Variants in LRRC4B observed in about 807,000 individuals in gnomAD.
LRRC4B encodes the protein leucine rich repeat containing 4B.
A neutral mutation model predicts 7.3 loss-of-function variants in LRRC4B; 1 was observed. That is an observed-to-expected ratio of 0.14 (90% confidence interval 0.05 to 0.65). The LOEUF (loss-of-function observed/expected upper bound fraction) is 0.65, where lower values mean the gene tolerates loss of function less well. LRRC4B is among the 30% of genes least tolerant of loss of function. The pLI, the probability that LRRC4B is intolerant of heterozygous loss-of-function variation, is 0.84. For missense variants in LRRC4B, 730 were observed against 1,041.6 expected (o/e 0.70, Z 4.12); for synonymous variants, 500 against 499.2 (o/e 1.00, Z -0.02).
intron 1 of LRRC4B, among the ~76,000 whole-genome samples, chr19:50,565,728 C>G (rs1245855901): frequency 2.0e-5 from 3 of 151,814 alleles, no homozygotes; most frequent in African/African-American, 7.3e-5. Context: ...CTGGCCCCAG[C>G]AGGCACCCCG....
intron 1 of LRRC4B, among the ~76,000 whole-genome samples, chr19:50,552,662 A>G (rs1353257887): frequency 1.8e-4 from 22 of 124,146 alleles, no homozygotes; most frequent in African/African-American, 7.1e-4. Context: ...CCATCCATCC[A>G]TCCATCCATC....
At chr19:50,565,841 CTCTT>C (rs78205579) in intron 1 of LRRC4B, among the ~76,000 whole-genome samples, 46,676 of 151,466 alleles carry the variant, frequency 0.31, 8,021 homozygotes, top group Non-Finnish European at 0.4. Flanking sequence ...GGCTCCCCGA[CTCTT>C]TCTTTCGGAA....
Position 50,519,593 on chromosome 19 carries a change from A to T in LRRC4B, c.298-178T>A, listed in dbSNP as rs1203986934. Among the ~76,000 whole-genome samples, 1 of 152,162 alleles carries T rather than the reference A, an allele frequency of 6.6e-6. No individual in the cohort carries two copies. The highest frequency in any genetic ancestry group is 1.5e-5 in the Non-Finnish European group (1 of 68,024). On this transcript the variant is annotated intron_variant, in intron 2 of 2. Coordinates refer to ENST00000652263, the MANE Select transcript of LRRC4B (RefSeq NM_001080457.2). This position sits in a 1 kb window ranked among gnomAD's most constrained non-coding sequence, Gnocchi z 8.1. Reference sequence around the variant, plus strand: ...TTCTTATAAAGTTAAAACTGGAGTCAAGGCTGGGTGTGGTGGCTCACGCCT... The same window carrying T: ...TTCTTATAAAGTTAAAACTGGAGTCTAGGCTGGGTGTGGTGGCTCACGCCT...
chr19:50,567,719 C>T (rs1444645128), intron 1 of LRRC4B, among the ~76,000 whole-genome samples: 12 of 146,324 alleles, frequency 8.2e-5, no homozygotes, highest in African/African-American at 2.8e-4. Flanking sequence ...ACAACCACCC[C>T]CCCCACAGCA....
chr19:50,546,576 A>G (rs1981820829), intron 2 of LRRC4B, among the ~76,000 whole-genome samples: 1 of 152,082 alleles, frequency 6.6e-6, no homozygotes, highest in Non-Finnish European at 1.5e-5. Context: ...CTGGATCCCT[A>G]TTGATGCTTT....
intron 2 of LRRC4B, among the ~76,000 whole-genome samples, chr19:50,532,669 G>A (rs763583215): frequency 3.9e-5 from 6 of 152,052 alleles, no homozygotes; most frequent in East Asian, 1.9e-4. Context: ...GATCCCTATC[G>A]CAGTGACTAT....
intron 1 of LRRC4B, among the ~76,000 whole-genome samples, chr19:50,565,153 G>A (rs1056608638): frequency 1.3e-5 from 2 of 152,172 alleles, no homozygotes; most frequent in Non-Finnish European, 2.9e-5. Flanking sequence ...GTGCACACAC[G>A]TGCCTCCGAC....
At chr19:50,551,164 A>C (rs1264982617) in intron 1 of LRRC4B, 1 of 105,284 alleles carries the variant, frequency 9.5e-6, no homozygotes, top group Non-Finnish European at 1.9e-5. Context: ...TTTTCTCCCC[A>C]CAACCCCACG....
intron 2 of LRRC4B, among the ~76,000 whole-genome samples, chr19:50,521,684 C>A (rs1326654376): frequency 6.6e-6 from 1 of 152,036 alleles, no homozygotes; most frequent in African/African-American, 2.4e-5. Flanking sequence ...CCTCAGCCTC[C>A]CAAAGTGCTG....
chr19:50,558,909 G>A (rs1568737015), intron 1 of LRRC4B, among the ~76,000 whole-genome samples: 1 of 152,230 alleles, frequency 6.6e-6, no homozygotes, highest in Non-Finnish European at 1.5e-5. Flanking sequence ...GTTATGGAGA[G>A]TCTGAGGCCT....
At chr19:50,543,335 G>GGTGTGTGTGT (rs143123202) in intron 2 of LRRC4B, among the ~76,000 whole-genome samples, 27,814 of 145,008 alleles carry the variant, frequency 0.19, 2,850 homozygotes, top group Admixed American at 0.3. Flanking sequence ...GCCAGGCCCT[G>GGTGTGTGTGT]GTGTGTGTGT....
At chr19:50,531,295 G>A (rs1981048493) in intron 2 of LRRC4B, among the ~76,000 whole-genome samples, 2 of 152,244 alleles carry the variant, frequency 1.3e-5, no homozygotes, top group South Asian at 4.1e-4. Context: ...AGGGCTGCCG[G>A]TCCCGGGGAG....
chr19:50,542,230 G>A (rs1457151314), intron 2 of LRRC4B, among the ~76,000 whole-genome samples: 2 of 152,166 alleles, frequency 1.3e-5, no homozygotes, highest in Non-Finnish European at 2.9e-5. Flanking sequence ...CCTGACTGAG[G>A]AGCGAGGAGT....
At position 50,519,227 on chromosome 19, in the gene LRRC4B, C is replaced by T. The variant is rs1406752935; in HGVS notation, c.486G>A (p.Glu162=). Residue 162 remains glutamate, a synonymous_variant, in exon 3 of 3, where the codon GAG becomes GAA. Transcript: ENST00000652263. The surrounding 1 kb of genome is among the most constrained non-coding windows in gnomAD (Gnocchi z 8.1). ...CGATGGGGTTGTTCCGCAGCCAGAG[C>T]TCCCGCAGCTTGGACAGGTACTCGA... ...QAFEYLSKLR[E]LWLRNNPIES... 4 of 1,614,024 alleles carry T rather than the reference C, an allele frequency of 2.5e-6. No homozygotes were observed. Among genetic ancestry groups the T allele is most frequent in the Admixed American group, 1.7e-5 (1 of 60,004 alleles).
rs751669703 is a variant in LRRC4B, at chr19:50,518,873, C to T, written c.840G>A (p.Glu280=). ...GGTTGTTGTGGGACAGGTTGAGCTC[C>T]TCCAGCGACTTGAGGTCGTCGAAGG... ...RNAFDDLKSL[E]ELNLSHNNLM... is the part of the protein sequence containing the mutation. Residue 280 remains glutamate (E), a synonymous_variant, in exon 3 of 3, where the codon GAG becomes GAA. Transcript: ENST00000652263. 1.2e-6 allele frequency: 2 copies of T among 1,613,954 alleles called. No homozygotes were observed. The highest frequency in any genetic ancestry group is 2.7e-5 in the African/African-American group (2 of 74,926).
rs1347112010 is a variant in LRRC4B, at chr19:50,567,924, G to A, written c.-36+20C>T. On this transcript the variant is annotated intron_variant, in intron 1 of 2. Coordinates refer to ENST00000652263, the MANE Select transcript of LRRC4B (RefSeq NM_001080457.2). ...CCTCCGGCCCCCGCCCCCGACCCGT[G>A]CCCCTTGGCGGCTACTCACAGCGAG... is the stretch of plus-strand genomic sequence containing the variant. The A allele has an allele frequency of 1.5e-5, 2 of 129,928 alleles. No homozygotes were observed. Among genetic ancestry groups the A allele is most frequent in the Non-Finnish European group, 3.3e-5 (2 of 61,150 alleles). The allele number at this position is 129,928 out of a possible 1,614,324, so 8.0% of individuals were successfully genotyped here.
rs910668656 is a variant in LRRC4B, at chr19:50,518,078, G to A, written c.1635C>T (p.Ser545=). 5 of 1,592,242 alleles carry A rather than the reference G, an allele frequency of 3.1e-6. No individual in the cohort carries two copies. The highest frequency in any genetic ancestry group is 4.3e-6 in the Non-Finnish European group (5 of 1,172,278). The stretch of plus-strand genomic sequence containing the variant: ...TGAACGCCTTCTCCGTGGGCCGCGA[G>A]GAGCGCGGGGCGGGTGCCGTGGTAG... ...SSSTTAPAPR[S]SRPTEKAFTV... Residue 545 remains serine (S), a synonymous_variant, in exon 3 of 3, where the codon TCC becomes TCT. Coordinates refer to ENST00000652263, the MANE Select transcript of LRRC4B (RefSeq NM_001080457.2).
Position 50,563,752 on chromosome 19 carries a change from C to A in LRRC4B, c.-36+4192G>T, listed in dbSNP as rs564693084. Among the ~76,000 whole-genome samples the A allele has an allele frequency of 6.6e-6, 1 of 152,230 alleles. No individual in the cohort carries two copies. Among genetic ancestry groups the A allele is most frequent in the East Asian group, 1.9e-4 (1 of 5,200 alleles). On this transcript the variant is annotated intron_variant, in intron 1 of 2. Transcript: ENST00000652263. This position sits in a 1 kb window ranked among gnomAD's most constrained non-coding sequence, Gnocchi z 4.9. Reference sequence around the variant, plus strand: ...GACAGGCTGCAACATGGTGCCTTCACGCAACGCTGACTTTCCAACACTGTG... The same window carrying A: ...GACAGGCTGCAACATGGTGCCTTCAAGCAACGCTGACTTTCCAACACTGTG...
intron 1 of LRRC4B, among the ~76,000 whole-genome samples, chr19:50,567,391 C>G (rs1407271372): frequency 1.3e-5 from 2 of 151,750 alleles, no homozygotes. Flanking sequence ...CCGTCTTTCC[C>G]ATTTTCACTT....
Sources: gnomAD v4.1 joint callset for allele counts (sites outside exome capture counted in the v4.1 genomes callset) on GRCh38, gnomAD v4.1.1 for gene constraint, Gnocchi (gnomAD v3.1) non-coding constraint, MANE v1.5 for transcripts, NCBI Gene and HGNC (gene_info 2026-07-23, HGNC 2026-07-21) for gene names.